The following ZFP62 variants were observed in gnomAD, a reference collection of about 807,000 sequenced individuals.
ZFP62 encodes the protein zinc finger protein 62 homolog.
Under a neutral mutation model 56.4 loss-of-function variants are expected in ZFP62, and 44 were observed. That is an observed-to-expected ratio of 0.78 (90% CI 0.61 to 1.00). The LOEUF (loss-of-function observed/expected upper bound fraction) is 1.00. ZFP62 is among the 50% of genes least tolerant of loss of function. The pLI, the probability that ZFP62 is intolerant of heterozygous loss-of-function variation, is 0.00. For synonymous variants in ZFP62, 421 were observed against 388.9 expected (o/e 1.08, Z -0.97); for missense variants, 1,030 against 1,085.7 (o/e 0.95, Z 0.72).
At chr5:180,841,052 C>T in the ZFP62 span, among the ~76,000 whole-genome samples, 3 of 151,946 alleles carry the variant, frequency 2.0e-5, no homozygotes, top group African/African-American at 7.3e-5. Context: ...TAAGAAATAA[C>T]TTCTTAGTTA....
At chr5:180,839,340 A>C in the ZFP62 span, among the ~76,000 whole-genome samples, 18 of 152,324 alleles carry the variant, frequency 1.2e-4, no homozygotes, top group African/African-American at 4.3e-4. Context: ...GTTTGTATGA[A>C]TTCCTTAAAG....
At chr5:180,857,940 G>GTA (rs1287061151) in intron 1 of ZFP62, among the ~76,000 whole-genome samples, 2 of 151,878 alleles carry the variant, frequency 1.3e-5, no homozygotes, top group Admixed American at 1.3e-4. Flanking sequence ...CAAGTGATGG[G>GTA]TATATGGAAG....
the ZFP62 span, chr5:180,829,908 C>T: frequency 6.6e-6 from 1 of 152,186 alleles, no homozygotes; most frequent in Non-Finnish European, 1.5e-5. Flanking sequence ...CTCCCAACCC[C>T]CACCTTCATA....
chr5:180,845,829 A>G (rs868746280), downstream of ZFP62: 50 of 985,314 alleles, frequency 5.1e-5, no homozygotes, highest in Non-Finnish European at 5.9e-5. Context: ...ATTCCCCTGC[A>G]TTGCAGGATT....
At chr5:180,856,192 CCT>C (rs1773960713) in intron 1 of ZFP62, among the ~76,000 whole-genome samples, 1 of 152,194 alleles carries the variant, frequency 6.6e-6, no homozygotes, top group African/African-American at 2.4e-5. Flanking sequence ...TGCTTAAACC[CCT>C]CTGTTTGGGT....
At chr5:180,835,044 A>C in the ZFP62 span, 1 of 152,454 alleles carries the variant, frequency 6.6e-6, no homozygotes, top group African/African-American at 2.4e-5. Flanking sequence ...TTGATCTTGG[A>C]CTTGCCAGCC....
At position 180,851,391 on chromosome 5, in the gene ZFP62, G is replaced by A. The variant is rs1365699370; in HGVS notation, c.104C>T (p.Pro35Leu). The change falls in exon 2 of 2, where the codon CCT (proline) becomes CTT (leucine). Residue 35 changes from proline (P) to leucine (L), a missense_variant. Coordinates refer to ENST00000502412, the MANE Select transcript of ZFP62 (RefSeq NM_001172638.2). ...ACATGTGTCACCAACCTTAGATTCA[G>A]GCATAGGATCCTCCACTTTTGGCCA... ...SKWPKVEDPM[P>L]ESKVGDTCVW... 2 of 1,551,600 alleles carry A rather than the reference G, an allele frequency of 1.3e-6. No homozygotes were observed. The highest frequency in any genetic ancestry group is 2.0e-5 in the Admixed American group (1 of 50,996).
the ZFP62 span, among the ~76,000 whole-genome samples, chr5:180,834,088 G>T: frequency 6.6e-6 from 1 of 152,186 alleles, no homozygotes; most frequent in Non-Finnish European, 1.5e-5. Flanking sequence ...AACAGGAAGT[G>T]GGAACTTTGG....
chr5:180,852,903 C>A (rs1043618018), intron 1 of ZFP62, among the ~76,000 whole-genome samples: 2 of 152,222 alleles, frequency 1.3e-5, no homozygotes, highest in African/African-American at 2.4e-5. Context: ...CACTTCTCAC[C>A]TGTCATATTA....
Position 180,847,748 on chromosome 5 carries a change from A to G in ZFP62, c.*1044T>C, listed in dbSNP as rs1268621257. The G allele has an allele frequency of 2.0e-6, 2 of 985,364 alleles. No homozygotes were observed. The highest frequency in any genetic ancestry group is 2.4e-6 in the Non-Finnish European group (2 of 829,950). 61.0% of individuals were successfully genotyped at this position (985,364 alleles called of 1,614,324 possible). Reference sequence around the variant, plus strand: ...AACAGACAACATATACATGTCCTGCATGACATCTTTACAATAACACATTCC... The same window carrying G: ...AACAGACAACATATACATGTCCTGCGTGACATCTTTACAATAACACATTCC... On this transcript the variant is annotated 3_prime_UTR_variant, in exon 2 of 2. Coordinates refer to ENST00000502412, the MANE Select transcript of ZFP62 (RefSeq NM_001172638.2).
chr5:180,847,388 T>C (rs1458632358), downstream of ZFP62, among the ~76,000 whole-genome samples: 2 of 152,362 alleles, frequency 1.3e-5, no homozygotes, highest in East Asian at 3.9e-4. Context: ...AGTTAGGATC[T>C]GGCCCAGTAA....
chr5:180,851,088 G>C lies in ZFP62; in HGVS notation c.407C>G (p.Ala136Gly), dbSNP rs151304370. 2,006 of 1,551,696 alleles carry C rather than the reference G, an allele frequency of 1.3e-3. 28 individuals are homozygous for C. The African/African-American group carries it at 0.025, about 19-fold the overall frequency. The stretch of plus-strand genomic sequence containing the variant: ...ATCACATTTATGTAATTTCTTAACA[G>C]CATTGGTTTTCTGCTGTAGACTAGG... ...SYPSLQQKTN[A>G]VKKLHKCDEC... Residue 136 changes from alanine to glycine, a missense_variant, in exon 2 of 2, where the codon GCT becomes GGT. Transcript: ENST00000502412.
In ZFP62 at chr5:180,851,917, C is replaced by T. The variant is rs898911442; in HGVS notation, c.2-424G>A. 2.1e-5 allele frequency: 15 copies of T among 715,920 alleles called. No individual in the cohort carries two copies. In the African/African-American group the frequency reaches 2.9e-4, roughly 14 times the overall value. 44.3% of individuals were successfully genotyped at this position (715,920 alleles called of 1,614,324 possible). On this transcript the variant is annotated intron_variant, in intron 1 of 1. Coordinates refer to ENST00000502412, the MANE Select transcript of ZFP62 (RefSeq NM_001172638.2). Reference sequence around the variant, plus strand: ...TAAGTAGGACAAAAGTTAGGTAAAACTTTTTTTTATTATGAAAAGTTAGAC... The same window carrying T: ...TAAGTAGGACAAAAGTTAGGTAAAATTTTTTTTTATTATGAAAAGTTAGAC...
chr5:180,854,006 T>C (rs1561908058), intron 1 of ZFP62, among the ~76,000 whole-genome samples: 2 of 152,256 alleles, frequency 1.3e-5, no homozygotes, highest in Non-Finnish European at 2.9e-5. Flanking sequence ...TGTATGGCTG[T>C]ATGCATATAT....
chr5:180,842,173 T>C, the ZFP62 span, among the ~76,000 whole-genome samples: 2 of 152,144 alleles, frequency 1.3e-5, no homozygotes, highest in Non-Finnish European at 1.5e-5. Context: ...GAAGGTAAAT[T>C]AGATCCAGAA....
intron 1 of ZFP62, among the ~76,000 whole-genome samples, chr5:180,858,997 T>A (rs1413191091): frequency 6.6e-6 from 1 of 152,218 alleles, no homozygotes; most frequent in Non-Finnish European, 1.5e-5. Flanking sequence ...TCATGCTTTA[T>A]CGCCAAGGCC....
chr5:180,845,696 G>A, downstream of ZFP62: 3 of 985,174 alleles, frequency 3.0e-6, no homozygotes, highest in Non-Finnish European at 3.6e-6. Flanking sequence ...GTACAGCTGT[G>A]GCCAATTACT....
In ZFP62 at chr5:180,849,330, A is replaced by C; in HGVS notation, c.2165T>G (p.Val722Gly). The change falls in exon 2 of 2, where the codon GTC becomes GGC. Residue 722 changes from valine (V) to glycine (G), a missense_variant. By Grantham distance (109) the Val-to-Gly change is moderately radical (BLOSUM62 -3). Transcript: ENST00000502412. ...SSRTLISHKR[V>G]HLGEKPFKCV... ...CTTGAAGGGTTTCTCCCCAAGATGG[A>C]CTCTTTTATGGCTTATAAGAGTTCT... The C allele has an allele frequency of 6.4e-7, 1 of 1,551,840 alleles. No homozygotes were observed. Among genetic ancestry groups the C allele is most frequent in the Non-Finnish European group, 8.7e-7 (1 of 1,147,072 alleles).
chr5:180,848,840 A>G lies in ZFP62; in HGVS notation c.2655T>C (p.Tyr885=). 1.3e-6 allele frequency: 2 copies of G among 1,549,034 alleles called. No homozygotes were observed. The highest frequency in any genetic ancestry group is 1.7e-6 in the Non-Finnish European group (2 of 1,144,822). The change falls in exon 2 of 2, where the codon TAT becomes TAC. Residue 885 remains tyrosine (Y), a synonymous_variant. Transcript: ENST00000502412. ...SYSGTSQKRT[Y]EGGNALDGGR... ...CCCCATCCAGGGCATTCCCTCCCTCATAGGTTCTCTTCTGGGATGTGCCAC... is the reference window on the plus strand; with the variant it reads ...CCCCATCCAGGGCATTCCCTCCCTCGTAGGTTCTCTTCTGGGATGTGCCAC...
Sources: allele counts gnomAD v4.1 joint callset (sites outside exome capture counted in the v4.1 genomes callset), GRCh38; gene constraint gnomAD v4.1.1; transcripts MANE v1.5; gene names NCBI Gene and HGNC (gene_info 2026-07-23, HGNC 2026-07-21).